The following APBA1 variants were observed in gnomAD, a reference collection of about 807,000 sequenced individuals.
The protein encoded by APBA1 is amyloid-beta A4 precursor protein-binding family A member 1.
Under a neutral mutation model 86.6 loss-of-function variants are expected in APBA1, and 55 were observed. The ratio of observed to expected loss-of-function variants is 0.64; its 90% CI spans 0.51 to 0.80. The LOEUF (loss-of-function observed/expected upper bound fraction) is 0.80. APBA1 is among the 30% of genes least tolerant of loss of function. The pLI is 0.00. For missense variants in APBA1, 1,090 were observed against 1,183.0 expected, an observed-to-expected ratio of 0.92 and a Z score of 1.15; for synonymous variants, 511 against 493.9, an observed-to-expected ratio of 1.03 and a Z score of -0.46.
At chr9:69,658,300 CTCTCTCTTTCTTTCTT>C (rs1823670739) in intron 1 of APBA1, among the ~76,000 whole-genome samples, 6 of 56,084 alleles carry the variant, frequency 1.1e-4, no homozygotes, top group African/African-American at 3.4e-4. Flanking sequence ...CTCTTTCTCT[CTCTCTCTTTCTTTCTT>C]TCTTTCTTTC....
At chr9:69,550,864 T>C (rs1836773411) in intron 1 of APBA1, among the ~76,000 whole-genome samples, 1 of 152,174 alleles carries the variant, frequency 6.6e-6, no homozygotes, top group Admixed American at 6.5e-5. Context: ...TCCTCTACCA[T>C]GTGTAAGTAA....
At chr9:69,585,121 C>G (rs12350003) in intron 1 of APBA1, among the ~76,000 whole-genome samples, 204 of 152,330 alleles carry the variant, frequency 1.3e-3, no homozygotes, top group African/African-American at 4.9e-3. Flanking sequence ...AGGCCCTGCC[C>G]TTGGGGAGCT....
intron 11 of APBA1, among the ~76,000 whole-genome samples, chr9:69,434,568 G>A (rs753407957): frequency 1.4e-4 from 22 of 152,092 alleles, no homozygotes; most frequent in East Asian, 1.9e-4. Flanking sequence ...TTAGCCGGGC[G>A]TGGTGGCACG....
chr9:69,559,102 T>A (rs1836909375), intron 1 of APBA1, among the ~76,000 whole-genome samples: 1 of 152,226 alleles, frequency 6.6e-6, no homozygotes, highest in Non-Finnish European at 1.5e-5. Context: ...TTACTGTTCA[T>A]TATTAAAACC....
At chr9:69,593,536 T>C (rs896516263) in intron 1 of APBA1, among the ~76,000 whole-genome samples, 45 of 152,326 alleles carry the variant, frequency 3.0e-4, no homozygotes, top group African/African-American at 1.1e-3. Flanking sequence ...GAGCTGAGGT[T>C]CATCTGTAAG....
intron 1 of APBA1, among the ~76,000 whole-genome samples, chr9:69,646,356 CAT>C (rs1345902199): frequency 3.3e-5 from 5 of 152,152 alleles, no homozygotes; most frequent in Non-Finnish European, 7.4e-5. Flanking sequence ...ATTTTTAAAA[CAT>C]ATAGAAAACA....
chr9:69,515,275 G>C (rs1836118307), intron 2 of APBA1, among the ~76,000 whole-genome samples: 1 of 152,084 alleles, frequency 6.6e-6, no homozygotes, highest in East Asian at 1.9e-4. Context: ...TGAACTGCTT[G>C]CTAACCAAAC....
At chr9:69,616,197 A>G (rs1822696740) in intron 1 of APBA1, among the ~76,000 whole-genome samples, 1 of 152,174 alleles carries the variant, frequency 6.6e-6, no homozygotes, top group Non-Finnish European at 1.5e-5. Context: ...AATTCAACCC[A>G]ATCATAGAAT....
chr9:69,468,870 C>CTTT (rs5898082), intron 4 of APBA1, among the ~76,000 whole-genome samples: 1 of 147,262 alleles, frequency 6.8e-6, no homozygotes, highest in African/African-American at 2.5e-5. Flanking sequence ...TATTTTCTTT[C>CTTT]TTTTTTTTTT....
intron 5 of APBA1, among the ~76,000 whole-genome samples, chr9:69,460,287 G>T (rs1377231945): frequency 6.6e-6 from 1 of 152,144 alleles, no homozygotes; most frequent in Non-Finnish European, 1.5e-5. Context: ...CTCTGAAAAA[G>T]TTTGAAGGTA....
chr9:69,446,994 A>T (rs1834920632), intron 10 of APBA1, among the ~76,000 whole-genome samples: 1 of 152,192 alleles, frequency 6.6e-6, no homozygotes, highest in East Asian at 1.9e-4. Context: ...TATCCCTCAC[A>T]GTTCTGGAGG....
chr9:69,576,934 C>T (rs1181615341), intron 1 of APBA1, among the ~76,000 whole-genome samples: 1 of 151,894 alleles, frequency 6.6e-6, no homozygotes, highest in African/African-American at 2.4e-5. Flanking sequence ...AAATAATTTT[C>T]AAATTTTTTT....
At chr9:69,452,340 C>A in intron 8 of APBA1, 39 bp from the exon 9 acceptor site, 1 of 1,599,722 alleles carries the variant, frequency 6.3e-7, no homozygotes, top group Non-Finnish European at 8.5e-7. Flanking sequence ...GTCAGCAGGG[C>A]AGTGCACCTG....
Position 69,429,901 on chromosome 9 carries a change from C to A in APBA1, c.*1426G>T, listed in dbSNP as rs1216249909. 1 of 152,114 alleles carries A rather than the reference C, an allele frequency of 6.6e-6. No homozygotes were observed. Among genetic ancestry groups the A allele is most frequent in the East Asian group, 1.9e-4 (1 of 5,194 alleles). 9.4% of individuals were successfully genotyped at this position (152,114 alleles called of 1,614,324 possible). On this transcript the variant is annotated 3_prime_UTR_variant, in exon 13 of 13. Coordinates refer to ENST00000265381, the MANE Select transcript of APBA1 (RefSeq NM_001163.4). Reference sequence around the variant, plus strand: ...AAAAGCAAAGCCAAATCACACCTCACATGAACACAAAATGCTCTTTGGACC... The same window carrying A: ...AAAAGCAAAGCCAAATCACACCTCAAATGAACACAAAATGCTCTTTGGACC...
chr9:69,516,512 C>A lies in APBA1; in HGVS notation c.699G>T (p.Ala233=), dbSNP rs201105010. ...AGCGCTCGTCGTAATGGTGCAGCCG[C>A]GCGCCCAGGGCCTCCTGGCGGTACG... ...AAAYRQEALG[A]RLHHYDERSD... The change falls in exon 2 of 13, where the codon GCG becomes GCT. Residue 233 remains alanine (A), a synonymous_variant. Transcript: ENST00000265381. The surrounding 1 kb of genome is among the most constrained non-coding windows in gnomAD (Gnocchi z 7.3). The A allele has an allele frequency of 1.4e-5, 23 of 1,595,866 alleles. No homozygotes were observed. The highest frequency in any genetic ancestry group is 6.7e-5 in the Admixed American group (4 of 59,484).
At chr9:69,563,414 G>A (rs766989788) in intron 1 of APBA1, among the ~76,000 whole-genome samples, 6 of 152,152 alleles carry the variant, frequency 3.9e-5, no homozygotes, top group Admixed American at 1.3e-4. Context: ...GTCCCAGTAT[G>A]AGCACAACTT....
intron 1 of APBA1, among the ~76,000 whole-genome samples, chr9:69,617,899 A>C (rs181344817): frequency 6.6e-6 from 1 of 152,266 alleles, no homozygotes; most frequent in African/African-American, 2.4e-5. Context: ...GTGTTTATGG[A>C]CATAAAGCTA....
chr9:69,647,759 T>C (rs1823420176), intron 1 of APBA1, among the ~76,000 whole-genome samples: 1 of 152,228 alleles, frequency 6.6e-6, no homozygotes, highest in African/African-American at 2.4e-5. Context: ...GACAGAATAA[T>C]ACTATTGAGT....
At position 69,452,321 on chromosome 9, in the gene APBA1, G is replaced by A. The variant is rs753825290; in HGVS notation, c.1789-20C>T. The stretch of plus-strand genomic sequence containing the variant: ...CTGAGCCTGGAACAGCAGCCAGAGA[G>A]GAAAGATGGTCAGCAGGGCAGTGCA... On this transcript the variant is annotated intron_variant, in intron 8 of 12. Coordinates refer to ENST00000265381, the MANE Select transcript of APBA1 (RefSeq NM_001163.4). 8.1e-6 allele frequency: 13 copies of A among 1,612,820 alleles called. No homozygotes were observed. The highest frequency in any genetic ancestry group is 9.3e-6 in the Non-Finnish European group (11 of 1,179,386).
Sources: gnomAD v4.1 joint callset for allele counts (sites outside exome capture counted in the v4.1 genomes callset) on GRCh38, gnomAD v4.1.1 for gene constraint, Gnocchi (gnomAD v3.1) non-coding constraint, MANE v1.5 for transcripts, NCBI Gene and HGNC (gene_info 2026-07-23, HGNC 2026-07-21) for gene names.